The following TTC27 variants were observed in gnomAD, a reference collection of about 807,000 sequenced individuals.
TTC27 encodes the protein tetratricopeptide repeat protein 27.
Under a neutral mutation model 115.9 loss-of-function variants are expected in TTC27, and 79 were observed. The observed-to-expected ratio is 0.68, with a 90% CI of 0.57 to 0.82. TTC27 has a LOEUF of 0.82. Ranked by LOEUF, TTC27 falls within the 40% of genes least tolerant of loss-of-function variation. TTC27 has a pLI of 0.00. For synonymous variants in TTC27, 401 were observed against 356.0 expected (o/e 1.13, Z -1.42); for missense variants, 1,054 against 993.1 (o/e 1.06, Z -0.82).
intron 11 of TTC27, among the ~76,000 whole-genome samples, chr2:32,734,573 A>G (rs1294596676): frequency 1.3e-5 from 2 of 152,138 alleles, no homozygotes; most frequent in Non-Finnish European, 2.9e-5. Flanking sequence ...TGGGGTGGGG[A>G]TTCTGGCCCC....
chr2:32,766,509 G>T (rs1218427003), intron 13 of TTC27: 1 of 455,340 alleles, frequency 2.2e-6, no homozygotes, highest in East Asian at 7.1e-5. Context: ...TAGGAGAGTA[G>T]CTGGTCAGTG....
At chr2:32,722,894 A>T (rs1050160707) in intron 10 of TTC27, among the ~76,000 whole-genome samples, 2 of 152,192 alleles carry the variant, frequency 1.3e-5, no homozygotes, top group African/African-American at 4.8e-5. Context: ...GGCTTCTGAT[A>T]AGGCCAAGAA....
At chr2:32,810,522 C>G (rs545812093) in intron 16 of TTC27, among the ~76,000 whole-genome samples, 1 of 152,126 alleles carries the variant, frequency 6.6e-6, no homozygotes, top group African/African-American at 2.4e-5. Flanking sequence ...TGTGGATAGG[C>G]TCACCTAGAG....
chr2:32,706,544 A>G (rs1381583045), intron 10 of TTC27, among the ~76,000 whole-genome samples: 1 of 152,060 alleles, frequency 6.6e-6, no homozygotes, highest in Admixed American at 6.6e-5. Context: ...TTAGAACCTC[A>G]ATATCCATTC....
At chr2:32,781,458 G>A (rs895701728) in intron 14 of TTC27, among the ~76,000 whole-genome samples, 3 of 151,956 alleles carry the variant, frequency 2.0e-5, no homozygotes, top group African/African-American at 4.8e-5. Context: ...TCTACACCTC[G>A]TGGATGCTGT....
intron 16 of TTC27, among the ~76,000 whole-genome samples, chr2:32,799,159 A>G (rs1446745838): frequency 6.6e-6 from 1 of 152,228 alleles, no homozygotes; most frequent in African/African-American, 2.4e-5. Flanking sequence ...GTATGATTCC[A>G]CTTACATGAA....
At chr2:32,816,308 C>A (rs533469317) in intron 18 of TTC27, among the ~76,000 whole-genome samples, 6 of 150,026 alleles carry the variant, frequency 4.0e-5, no homozygotes, top group Middle Eastern at 3.5e-3. Flanking sequence ...CAGAGCGAGA[C>A]CTTGTCTCAA....
chr2:32,773,218 A>G (rs569692208), intron 13 of TTC27, among the ~76,000 whole-genome samples: 1 of 152,306 alleles, frequency 6.6e-6, no homozygotes, highest in South Asian at 2.1e-4. Flanking sequence ...TTGGCTGCAT[A>G]CAGCCAGCTT....
At chr2:32,747,398 T>A (rs1668867439) in intron 12 of TTC27, among the ~76,000 whole-genome samples, 1 of 152,208 alleles carries the variant, frequency 6.6e-6, no homozygotes, top group African/African-American at 2.4e-5. Flanking sequence ...CTATTCTACC[T>A]TAAATGTGCT....
intron 13 of TTC27, among the ~76,000 whole-genome samples, chr2:32,758,847 A>G (rs527950838): frequency 3.3e-5 from 5 of 152,354 alleles, no homozygotes; most frequent in Admixed American, 6.5e-5. Flanking sequence ...ACAAGAGCCA[A>G]AATTGCAGAC....
chr2:32,811,039 G>T lies in TTC27; in HGVS notation c.2014G>T (p.Val672Phe), dbSNP rs367801329. ...YKDVQVLKILVRAVIDGMTDR... is the reference protein window; with the variant it reads ...YKDVQVLKILFRAVIDGMTDR... Reference sequence around the variant, plus strand: ...CATTTTTAAGGTCCTTAAAATTCTAGTCAGGGCAGTGATTGATGGGATGAC... The same window carrying T: ...CATTTTTAAGGTCCTTAAAATTCTATTCAGGGCAGTGATTGATGGGATGAC... Residue 672 changes from valine (V) to phenylalanine (F), a missense_variant, in exon 17 of 20, where the codon GTC becomes TTC. Physicochemically the swap from Val to Phe is conservative, Grantham distance 50 (BLOSUM62 -1). Coordinates refer to ENST00000317907, the MANE Select transcript of TTC27 (RefSeq NM_017735.5). 3.7e-6 allele frequency: 6 copies of T among 1,613,992 alleles called. No homozygotes were observed. The African/African-American group carries it at 8.0e-5, about 22-fold the overall frequency.
At chr2:32,752,223 CT>C (rs1669044327) in intron 12 of TTC27, among the ~76,000 whole-genome samples, 1 of 152,160 alleles carries the variant, frequency 6.6e-6, no homozygotes, top group Non-Finnish European at 1.5e-5. Flanking sequence ...TACCATAGCA[CT>C]TTTCAAAAAT....
intron 13 of TTC27, chr2:32,766,573 G>C: frequency 4.0e-6 from 1 of 248,914 alleles, no homozygotes; most frequent in Admixed American, 4.3e-5. Flanking sequence ...TCCTATATGT[G>C]TGCAGTTTGT....
At position 32,630,559 on chromosome 2, in the gene TTC27, A is replaced by G. The variant is rs760888715; in HGVS notation, c.125A>G (p.Asn42Ser). ...GSFLQLLLEG[N>S]YEAIFLNSMT... ...TTCCTACAATTGCTACTGGAAGGGAACTATGAAGCCATATTCTTAAATTCA... is the reference window on the plus strand; with the variant it reads ...TTCCTACAATTGCTACTGGAAGGGAGCTATGAAGCCATATTCTTAAATTCA... Residue 42 changes from asparagine (N) to serine (S), a missense_variant, in exon 2 of 20, where the codon AAC becomes AGC. Asn to Ser is a conservative substitution (Grantham distance 46, BLOSUM62 1). Transcript: ENST00000317907. 1 of 1,611,788 alleles carries G rather than the reference A, an allele frequency of 6.2e-7. No individual in the cohort carries two copies. The highest frequency in any genetic ancestry group is 2.2e-5 in the East Asian group (1 of 44,838).
At chr2:32,701,094 A>G (rs1667169976) in intron 9 of TTC27, among the ~76,000 whole-genome samples, 2 of 152,124 alleles carry the variant, frequency 1.3e-5, no homozygotes, top group African/African-American at 4.8e-5. Flanking sequence ...GAAGAATAAG[A>G]TTAGAATATA....
chr2:32,786,192 G>T (rs1459375564), intron 15 of TTC27, among the ~76,000 whole-genome samples: 1 of 151,938 alleles, frequency 6.6e-6, no homozygotes, highest in East Asian at 1.9e-4. Context: ...TGTGATCTTG[G>T]CTCACTGCAC....
At chr2:32,815,439 G>A (rs1023695368) in intron 18 of TTC27, among the ~76,000 whole-genome samples, 4 of 151,386 alleles carry the variant, frequency 2.6e-5, no homozygotes, top group East Asian at 2.0e-4. Flanking sequence ...GGGTTTCACC[G>A]TGTTAGCCAG....
At chr2:32,755,705 A>G (rs907736942) in intron 12 of TTC27, among the ~76,000 whole-genome samples, 11 of 152,218 alleles carry the variant, frequency 7.2e-5, no homozygotes, top group African/African-American at 2.2e-4. Flanking sequence ...GTATCTACCT[A>G]CCTTTGATTT....
chr2:32,650,064 T>C, intron 4 of TTC27, 67 bp from the exon 5 acceptor site: 1 of 1,313,260 alleles, frequency 7.6e-7, no homozygotes, highest in South Asian at 1.3e-5. Context: ...TCTAAAAATC[T>C]CAGTTAATGT....
Sources: allele counts gnomAD v4.1 joint callset (sites outside exome capture counted in the v4.1 genomes callset), GRCh38; gene constraint gnomAD v4.1.1; transcripts MANE v1.5; gene names NCBI Gene and HGNC (gene_info 2026-07-23, HGNC 2026-07-21).